RBMS1: variants seen among roughly 807,000 people sequenced by gnomAD.
RBMS1 encodes the protein RNA-binding motif, single-stranded-interacting protein 1.
Under a neutral mutation model 62.3 loss-of-function variants are expected in RBMS1, and 17 were observed. The ratio of observed to expected loss-of-function variants is 0.27; its 90% confidence interval spans 0.19 to 0.41. The LOEUF (loss-of-function observed/expected upper bound fraction) is 0.41, where lower values mean the gene tolerates loss of function less well. RBMS1 is among the 10% of genes least tolerant of loss of function. The pLI, the probability that RBMS1 is intolerant of heterozygous loss-of-function variation, is 1.00. For synonymous variants in RBMS1, 172 were observed against 170.0 expected (o/e 1.01, Z -0.09); for missense variants, 334 against 504.5 (o/e 0.66, Z 3.24).
At chr2:160,295,993 T>C (rs932659013) in intron 6 of RBMS1, among the ~76,000 whole-genome samples, 2 of 152,272 alleles carry the variant, frequency 1.3e-5, no homozygotes, top group East Asian at 3.9e-4. Context: ...GGTGGAATAG[T>C]CCCTTCAAAG....
chr2:160,378,668 A>C (rs976584730), intron 1 of RBMS1, among the ~76,000 whole-genome samples: 1 of 152,014 alleles, frequency 6.6e-6, no homozygotes, highest in Non-Finnish European at 1.5e-5. Context: ...GAGTACACTC[A>C]GAGTCAACTA....
At chr2:160,280,494 A>G (rs1261183430) in intron 10 of RBMS1, among the ~76,000 whole-genome samples, 1 of 152,214 alleles carries the variant, frequency 6.6e-6, no homozygotes. Flanking sequence ...AGGTATCCGA[A>G]GACAAATTGC....
chr2:160,327,953 C>G (rs1318730045), intron 2 of RBMS1, among the ~76,000 whole-genome samples: 2 of 152,090 alleles, frequency 1.3e-5, no homozygotes, highest in African/African-American at 2.4e-5. Flanking sequence ...CCACCAAAAC[C>G]TGTAATGTAT....
At chr2:160,412,389 T>A (rs957421608) in intron 1 of RBMS1, among the ~76,000 whole-genome samples, 1 of 152,054 alleles carries the variant, frequency 6.6e-6, no homozygotes, top group Non-Finnish European at 1.5e-5. Flanking sequence ...AATGTACAGA[T>A]GAAAGAAAAA....
chr2:160,353,160 C>G (rs1168382329), intron 2 of RBMS1, among the ~76,000 whole-genome samples: 1 of 151,880 alleles, frequency 6.6e-6, no homozygotes, highest in Non-Finnish European at 1.5e-5. Context: ...CACTGTTCTC[C>G]CTGATAAGTT....
chr2:160,388,814 G>A (rs1694712437), intron 1 of RBMS1, among the ~76,000 whole-genome samples: 1 of 152,196 alleles, frequency 6.6e-6, no homozygotes, highest in Non-Finnish European at 1.5e-5. Flanking sequence ...TGACATGTAG[G>A]GAGTTCCTAG....
chr2:160,288,835 G>GT (rs528971217), intron 6 of RBMS1, among the ~76,000 whole-genome samples: 14 of 151,240 alleles, frequency 9.3e-5, no homozygotes, highest in South Asian at 2.1e-4. Flanking sequence ...CCTTTTTTTT[G>GT]TTTTTTTTAA....
At chr2:160,492,344 C>CA (rs1685867495) in intron 1 of RBMS1, among the ~76,000 whole-genome samples, 1 of 152,054 alleles carries the variant, frequency 6.6e-6, no homozygotes, top group Non-Finnish European at 1.5e-5. Flanking sequence ...CGGGAGGCAT[C>CA]AAATTCTTAT....
chr2:160,317,436 C>T (rs1438028010), intron 3 of RBMS1, among the ~76,000 whole-genome samples: 1 of 152,144 alleles, frequency 6.6e-6, no homozygotes, highest in African/African-American at 2.4e-5. Flanking sequence ...TCCTAGAAAT[C>T]ACATGCCTAT....
At chr2:160,453,505 A>C (rs1684086819) in intron 1 of RBMS1, among the ~76,000 whole-genome samples, 1 of 152,208 alleles carries the variant, frequency 6.6e-6, no homozygotes, top group African/African-American at 2.4e-5. Flanking sequence ...TAAAAAAAGA[A>C]TTTTAAAAGT....
chr2:160,439,153 C>A (rs558953337), intron 1 of RBMS1, among the ~76,000 whole-genome samples: 1 of 150,526 alleles, frequency 6.6e-6, no homozygotes, highest in Non-Finnish European at 1.5e-5. Context: ...GCTGATCCCC[C>A]CACCTCCCTC....
At chr2:160,335,440 G>GAACT (rs762837443) in intron 2 of RBMS1, among the ~76,000 whole-genome samples, 1 of 152,142 alleles carries the variant, frequency 6.6e-6, no homozygotes, top group Non-Finnish European at 1.5e-5. Flanking sequence ...AACTCCTAGA[G>GAACT]AACTGTTCAA....
At chr2:160,401,052 A>C (rs920151310) in intron 1 of RBMS1, among the ~76,000 whole-genome samples, 3 of 152,184 alleles carry the variant, frequency 2.0e-5, no homozygotes, top group Admixed American at 6.5e-5. Context: ...TGTGGGGGAC[A>C]AGAGAGACTG....
chr2:160,419,400 A>T (rs1696326635), intron 1 of RBMS1, among the ~76,000 whole-genome samples: 1 of 152,170 alleles, frequency 6.6e-6, no homozygotes, highest in South Asian at 2.1e-4. Flanking sequence ...CAGATTTTTT[A>T]AAGTAGGTGT....
chr2:160,469,876 C>A (rs983593225), intron 1 of RBMS1, among the ~76,000 whole-genome samples: 3 of 152,126 alleles, frequency 2.0e-5, no homozygotes, highest in Non-Finnish European at 2.9e-5. Flanking sequence ...CAGTGAAAAT[C>A]AGGGAGGGGC....
chr2:160,314,131 A>T (rs1195505606), intron 3 of RBMS1, among the ~76,000 whole-genome samples: 2 of 152,216 alleles, frequency 1.3e-5, no homozygotes, highest in Non-Finnish European at 2.9e-5. Context: ...AACAAGCAAT[A>T]AAAGAGAAAA....
At chr2:160,308,223 G>A (rs1346641786) in intron 4 of RBMS1, among the ~76,000 whole-genome samples, 6 of 151,850 alleles carry the variant, frequency 4.0e-5, no homozygotes, top group African/African-American at 1.2e-4. Context: ...GCGAAACCTG[G>A]TCTCTGCAAA....
chr2:160,340,547 G>A (rs546337844), intron 2 of RBMS1, among the ~76,000 whole-genome samples: 5 of 152,224 alleles, frequency 3.3e-5, no homozygotes, highest in Admixed American at 2.6e-4. Flanking sequence ...GGGGCTTGGA[G>A]TGTGAGGAAC....
intron 1 of RBMS1, among the ~76,000 whole-genome samples, chr2:160,386,069 A>T (rs1488120898): frequency 3.3e-5 from 5 of 152,258 alleles, no homozygotes; most frequent in Admixed American, 6.5e-5. Context: ...TTCATTTCTT[A>T]ATCAAAATAT....
Sources: allele counts gnomAD v4.1 joint callset (sites outside exome capture counted in the v4.1 genomes callset), GRCh38; gene constraint gnomAD v4.1.1; transcripts MANE v1.5; gene names NCBI Gene and HGNC (gene_info 2026-07-23, HGNC 2026-07-21).